The following GEMIN5 variants were observed in gnomAD, a reference collection of about 807,000 sequenced individuals.
The protein encoded by GEMIN5 is gem-associated protein 5.
Under a neutral mutation model 176.9 loss-of-function variants are expected in GEMIN5, and 124 were observed. That is an observed-to-expected ratio of 0.70 (90% CI 0.61 to 0.81). The LOEUF (loss-of-function observed/expected upper bound fraction) is 0.81. Among genes scored for constraint, GEMIN5 ranks in the 40% least tolerant of loss-of-function variants. GEMIN5 has a pLI of 0.00. For synonymous variants in GEMIN5, 673 were observed against 665.2 expected (o/e 1.01, Z -0.18); for missense variants, 1,843 against 1,814.6 (o/e 1.02, Z -0.28).
At chr5:154,920,287 T>TA (rs996263899) in intron 10 of GEMIN5, among the ~76,000 whole-genome samples, 184 bp from the exon 11 acceptor site, 4 of 152,132 alleles carry the variant, frequency 2.6e-5, no homozygotes, top group African/African-American at 7.2e-5. Context: ...GGAGCAGAAG[T>TA]AAAAAAACTA....
intron 24 of GEMIN5, among the ~76,000 whole-genome samples, chr5:154,893,903 G>C (rs7733367): frequency 0.95 from 144,572 of 152,214 alleles, 68,820 homozygotes; most frequent in South Asian, 0.99. Flanking sequence ...GCCACCACGC[G>C]CGGCTAACAC....
At chr5:154,890,884 C>T (rs1031712184) in intron 26 of GEMIN5, among the ~76,000 whole-genome samples, 1 of 152,092 alleles carries the variant, frequency 6.6e-6, no homozygotes, top group Non-Finnish European at 1.5e-5. Flanking sequence ...TGGCCTCAGC[C>T]CCCCAAGTAG....
At position 154,892,417 on chromosome 5, in the gene GEMIN5, G is replaced by A. The variant is rs1450592967; in HGVS notation, c.3730C>T (p.Gln1244Ter). 6.2e-7 allele frequency: 1 copy of A among 1,614,116 alleles called. No individual in the cohort carries two copies. Among genetic ancestry groups the A allele is most frequent in the Non-Finnish European group, 8.5e-7 (1 of 1,179,992 alleles). The change falls in exon 25 of 28, where the codon CAG becomes TAG. Residue 1244 changes from glutamine (Q) to a stop codon, truncating the protein, a stop_gained. Transcript: ENST00000285873. LOFTEE classifies it high-confidence loss of function. Reference sequence around the variant, plus strand: ...GGGAGAAAGGCTGAGTACACTTCCTGCATGATGGTGAAGCTCCCTGAGTCA... The same window carrying A: ...GGGAGAAAGGCTGAGTACACTTCCTACATGATGGTGAAGCTCCCTGAGTCA... ...SYDSGSFTIM[Q>*]EVYSAFLPDG...
rs975478365 is a variant in GEMIN5 at position 154,935,834 on chromosome 5, T to G, written c.509+7A>C. On this transcript the variant is annotated splice_region_variant and intron_variant, in intron 3 of 27. Coordinates refer to ENST00000285873, the MANE Select transcript of GEMIN5 (RefSeq NM_015465.5). The stretch of plus-strand genomic sequence containing the variant: ...AAAATCATCAATACAGATGGCATAG[T>G]ACTTACCCAATGGCTACTAAATCTT... 2 of 1,598,044 alleles carry G rather than the reference T, an allele frequency of 1.3e-6. No individual in the cohort carries two copies. Among genetic ancestry groups the G allele is most frequent in the Admixed American group, 3.3e-5 (2 of 59,814 alleles).
intron 7 of GEMIN5, among the ~76,000 whole-genome samples, chr5:154,926,518 T>C (rs2113504766): frequency 6.6e-6 from 1 of 152,336 alleles, no homozygotes; most frequent in Admixed American, 6.5e-5. Context: ...ATCACTTGTT[T>C]AAGAGACAGG....
At chr5:154,911,035 T>A (rs767037903) in intron 15 of GEMIN5, among the ~76,000 whole-genome samples, 2 of 152,128 alleles carry the variant, frequency 1.3e-5, no homozygotes, top group Non-Finnish European at 2.9e-5. Flanking sequence ...CCAGATTTGG[T>A]CAGTGGGAAC....
chr5:154,906,952 T>TGACA lies in GEMIN5; in HGVS notation c.2395+635_2395+638dup, dbSNP rs1472708542. ...GGGACCAGATATTTATCACTTGGTC[T>TGACA]GACAAACCATTCTCAACAGGTCCCG... On this transcript the variant is annotated intron_variant, in intron 16 of 27. Transcript: ENST00000285873. Among the ~76,000 whole-genome samples, 9 of 152,350 alleles carry TGACA rather than the reference T, an allele frequency of 5.9e-5. No individual in the cohort carries two copies. In the East Asian group the frequency reaches 1.5e-3, roughly 26 times the overall value.
At chr5:154,911,679 T>C (rs1449817116) in intron 15 of GEMIN5, 48 bp downstream of exon 15, 2 of 1,501,174 alleles carry the variant, frequency 1.3e-6, no homozygotes, top group Non-Finnish European at 9.2e-7. Context: ...AACTCAATTA[T>C]TAAGAAAGGG....
At chr5:154,895,950 T>G (rs1448030221) in intron 24 of GEMIN5, 142 bp downstream of exon 24, 1 of 816,094 alleles carries the variant, frequency 1.2e-6, no homozygotes, top group African/African-American at 1.7e-5. Flanking sequence ...TCTAAAGGGA[T>G]CTTTCCAGGT....
chr5:154,930,065 G>T (rs942721928), intron 5 of GEMIN5, among the ~76,000 whole-genome samples: 1 of 151,826 alleles, frequency 6.6e-6, no homozygotes, highest in Admixed American at 6.6e-5. Flanking sequence ...AACCTTTTTC[G>T]ATTACCTGCT....
Position 154,935,995 on chromosome 5 carries a change from G to A in GEMIN5, c.355C>T (p.Pro119Ser), listed in dbSNP as rs753256535. ...QHTISTLHWS[P>S]RVKDLIVSGD... ...GATACTATTAAGTCCTTTACTCGAG[G>A]AGACCAATGTAATGTTGATATCGTA... Residue 119 changes from proline to serine, a missense_variant, in exon 3 of 28, where the codon CCT becomes TCT. Physicochemically the swap from Pro to Ser is moderately conservative, Grantham distance 74 (BLOSUM62 -1). Coordinates refer to ENST00000285873, the MANE Select transcript of GEMIN5 (RefSeq NM_015465.5). 2.2e-5 allele frequency: 36 copies of A among 1,610,154 alleles called. No homozygotes were observed. Among genetic ancestry groups the A allele is most frequent in the Admixed American group, 3.4e-5 (2 of 59,692 alleles).
intron 24 of GEMIN5, 76 bp from the exon 25 acceptor site, chr5:154,892,625 T>C: frequency 7.2e-7 from 1 of 1,391,546 alleles, no homozygotes; most frequent in South Asian, 1.3e-5. Context: ...ACTGTTCCTG[T>C]GAACCGCATT....
intron 9 of GEMIN5, 45 bp downstream of exon 9, chr5:154,924,424 T>C (rs1431294288): frequency 7.9e-7 from 1 of 1,271,472 alleles, no homozygotes; most frequent in East Asian, 2.3e-5. Flanking sequence ...GGCCAACCTT[T>C]TGGCTCCCCG....
At chr5:154,908,042 G>A (rs1171941922) in intron 15 of GEMIN5, among the ~76,000 whole-genome samples, 2 of 151,976 alleles carry the variant, frequency 1.3e-5, no homozygotes, top group African/African-American at 4.8e-5. Context: ...ATTTTAGTGT[G>A]TGTCTTATGA....
At chr5:154,932,070 GACTTA>G in intron 4 of GEMIN5, 24 bp downstream of exon 4, 1 of 1,545,166 alleles carries the variant, frequency 6.5e-7, no homozygotes, top group Non-Finnish European at 8.9e-7. Context: ...GTCTCAAGTG[GACTTA>G]ACTTTCCCTT....
At chr5:154,937,897 A>T in intron 1 of GEMIN5, 71 bp downstream of exon 1, 1 of 1,323,456 alleles carries the variant, frequency 7.6e-7, no homozygotes, top group Non-Finnish European at 1.0e-6. Context: ...AACGGGGTGG[A>T]GTCGTCCACT....
rs1034682921 is a variant in GEMIN5, at chr5:154,903,311, T to C, written c.2633-136A>G. 6.4e-6 allele frequency: 4 copies of C among 624,436 alleles called. No individual in the cohort carries two copies. The African/African-American group carries it at 7.4e-5, about 11-fold the overall frequency. 38.7% of individuals were successfully genotyped at this position (624,436 alleles called of 1,614,324 possible). On this transcript the variant is annotated intron_variant, in intron 18 of 27. Transcript: ENST00000285873. Reference sequence around the variant, plus strand: ...GAATCAGAGCTCTAACAGAGACTCCTGCAGTTACAAAGGGAGCAAAACACA... The same window carrying C: ...GAATCAGAGCTCTAACAGAGACTCCCGCAGTTACAAAGGGAGCAAAACACA...
Position 154,937,046 on chromosome 5 carries a change from CACAACTGTTTTTGTCTCT to C in GEMIN5, c.288_305del (p.Glu97_Val102del), listed in dbSNP as rs751673308. On this transcript the variant is annotated inframe_deletion, in exon 2 of 28. Coordinates refer to ENST00000285873, the MANE Select transcript of GEMIN5 (RefSeq NM_015465.5). ...GTACCTGATGGAGTGCATGTTCTGT[CACAACTGTTTTTGTCTCT>C]ACATCCCATATTTTCACAGTCCCAT... 6.2e-7 allele frequency: 1 copy of C among 1,613,672 alleles called. No individual in the cohort carries two copies. Among genetic ancestry groups the C allele is most frequent in the Admixed American group, 1.7e-5 (1 of 59,958 alleles).
At position 154,920,117 on chromosome 5, in the gene GEMIN5, G is replaced by C. The variant is rs763886332; in HGVS notation, c.1463-14C>G. Reference sequence around the variant, plus strand: ...CTCCTTCTCCTCCTGTATGAAATAAGAAAAGAAACTTATCAGTTTTGTACT... The same window carrying C: ...CTCCTTCTCCTCCTGTATGAAATAACAAAAGAAACTTATCAGTTTTGTACT... On this transcript the variant is annotated splice_polypyrimidine_tract_variant and intron_variant, in intron 10 of 27. Coordinates refer to ENST00000285873, the MANE Select transcript of GEMIN5 (RefSeq NM_015465.5). 8 of 1,603,526 alleles carry C rather than the reference G, an allele frequency of 5.0e-6. No individual in the cohort carries two copies. The South Asian group carries it at 9.0e-5, about 18-fold the overall frequency.
Sources: allele counts gnomAD v4.1 joint callset (sites outside exome capture counted in the v4.1 genomes callset), GRCh38; gene constraint gnomAD v4.1.1; transcripts MANE v1.5; gene names NCBI Gene and HGNC (gene_info 2026-07-23, HGNC 2026-07-21).